MED12L: variants seen among roughly 807,000 people sequenced by gnomAD.
MED12L encodes mediator of RNA polymerase II transcription subunit 12-like protein.
In MED12L, 60 loss-of-function variants were observed where a neutral mutation model predicts 281.3. The observed-to-expected ratio is 0.21, with a 90% CI of 0.17 to 0.26. MED12L has a LOEUF of 0.26. Among genes scored for constraint, MED12L ranks in the 10% least tolerant of loss-of-function variants. MED12L has a pLI of 1.00. For missense variants in MED12L, 2,146 were observed against 2,680.9 expected, an observed-to-expected ratio of 0.80 and a Z score of 4.41; for synonymous variants, 974 against 987.2, an observed-to-expected ratio of 0.99 and a Z score of 0.25.
intron 26 of MED12L, among the ~76,000 whole-genome samples, chr3:151,371,055 G>A (rs1474961523): frequency 1.3e-5 from 2 of 152,230 alleles, no homozygotes; most frequent in African/African-American, 4.8e-5. Flanking sequence ...GCCTGGCACA[G>A]ACTCTCATAC....
Position 151,436,571 on chromosome 3 carries a change from T to C in MED12L, c.*3767T>C. The stretch of plus-strand genomic sequence containing the variant: ...CAAGTCCTTTTATTTTGCATGTTCA[T>C]TGTAAATTTAATACTGTAAATGTAT... On this transcript the variant is annotated 3_prime_UTR_variant, in exon 45 of 45. Transcript: ENST00000687756. 1.5e-6 allele frequency: 1 copy of C among 670,796 alleles called. No homozygotes were observed. The highest frequency in any genetic ancestry group is 2.5e-6 in the Non-Finnish European group (1 of 398,378). The allele number at this position is 670,796 out of a possible 1,614,324, so 41.6% of individuals were successfully genotyped here.
chr3:151,342,310 CTTCTG>C (rs370809942), intron 16 of MED12L, among the ~76,000 whole-genome samples: 20 of 152,330 alleles, frequency 1.3e-4, no homozygotes, highest in African/African-American at 4.8e-4. Context: ...CTGCAGTGTC[CTTCTG>C]TTATCAGTGG....
At chr3:151,424,113 A>G (rs1435390233) in intron 43 of MED12L, among the ~76,000 whole-genome samples, 1 of 152,158 alleles carries the variant, frequency 6.6e-6, no homozygotes, top group East Asian at 1.9e-4. Flanking sequence ...AGATAATATG[A>G]TTCTCCTTTT....
intron 2 of MED12L, among the ~76,000 whole-genome samples, chr3:151,089,420 C>CT (rs34199914): frequency 0.074 from 9,791 of 132,302 alleles, 356 homozygotes; most frequent in Middle Eastern, 0.1. Flanking sequence ...CTGGATTTAG[C>CT]TTTTTTTTTT....
intron 5 of MED12L, among the ~76,000 whole-genome samples, chr3:151,142,878 A>G (rs192602232): frequency 5.9e-5 from 9 of 152,112 alleles, no homozygotes; most frequent in Admixed American, 4.6e-4. Flanking sequence ...CCAAATGTGT[A>G]TAAACTTCCA....
In MED12L at chr3:151,435,739, G is replaced by T. The variant is rs905942870; in HGVS notation, c.*2935G>T. On this transcript the variant is annotated 3_prime_UTR_variant, in exon 45 of 45. Coordinates refer to ENST00000687756, the MANE Select transcript of MED12L (RefSeq NM_001393769.1). ...AATATTCCCCAAATTAATTCAGGTT[G>T]AATTAAGCATGTAATATAAATTCAG... The T allele has an allele frequency of 6.6e-6, 1 of 152,058 alleles. No homozygotes were observed. The highest frequency in any genetic ancestry group is 1.5e-5 in the Non-Finnish European group (1 of 67,996). 9.4% of individuals were successfully genotyped at this position (152,058 alleles called of 1,614,324 possible).
At position 151,435,150 on chromosome 3, in the gene MED12L, T is replaced by C. The variant is rs376615933; in HGVS notation, c.*2346T>C. The C allele has an allele frequency of 2.0e-5, 3 of 149,884 alleles. No homozygotes were observed. Among genetic ancestry groups the C allele is most frequent in the African/African-American group, 7.5e-5 (3 of 39,936 alleles). The allele number at this position is 149,884 out of a possible 1,614,324, so 9.3% of individuals were successfully genotyped here. On this transcript the variant is annotated 3_prime_UTR_variant, in exon 45 of 45. Coordinates refer to ENST00000687756, the MANE Select transcript of MED12L (RefSeq NM_001393769.1). ...GGTAAAGCCCTGTGGCAGAACCTGG[T>C]ACTTTACCTTACCAGAGGAAATTAC...
chr3:151,415,414 C>T (rs1717428439), intron 42 of MED12L, among the ~76,000 whole-genome samples: 1 of 152,216 alleles, frequency 6.6e-6, no homozygotes, highest in African/African-American at 2.4e-5. Flanking sequence ...TGATTTGGGT[C>T]CAACTTGCGT....
chr3:151,355,321 A>G (rs889495179), intron 18 of MED12L, 82 bp downstream of exon 18: 15 of 853,694 alleles, frequency 1.8e-5, no homozygotes, highest in African/African-American at 5.1e-5. Context: ...TATTTTCTCA[A>G]CCTTAATGGT....
chr3:151,417,590 A>G (rs1717764964), intron 43 of MED12L, among the ~76,000 whole-genome samples: 1 of 148,290 alleles, frequency 6.7e-6, no homozygotes, highest in Admixed American at 6.9e-5. Flanking sequence ...GGTTCAAGCA[A>G]TTCTCCTGCC....
chr3:151,385,947 A>G (rs1015112998), intron 36 of MED12L, among the ~76,000 whole-genome samples: 2 of 152,122 alleles, frequency 1.3e-5, no homozygotes, highest in Admixed American at 6.6e-5. Context: ...CAGAGTTCCT[A>G]CCCTCAAGGG....
intron 16 of MED12L, among the ~76,000 whole-genome samples, chr3:151,343,748 G>A (rs1306527592): frequency 3.6e-5 from 2 of 56,116 alleles, no homozygotes; most frequent in African/African-American, 8.5e-5. Flanking sequence ...ACTTTTAAGT[G>A]GCTTAACTGG....
chr3:151,157,524 T>A (rs983975988), intron 6 of MED12L, among the ~76,000 whole-genome samples: 3 of 152,196 alleles, frequency 2.0e-5, no homozygotes, highest in Middle Eastern at 3.4e-3. Flanking sequence ...GTCTCTTTTT[T>A]AAAAAAATTT....
chr3:151,163,797 T>C (rs1287607788), intron 8 of MED12L, 96 bp from the exon 9 acceptor site: 2 of 1,258,344 alleles, frequency 1.6e-6, no homozygotes, highest in Non-Finnish European at 2.2e-6. Flanking sequence ...TAGGAGACAA[T>C]AATACAGTGA....
In MED12L at chr3:151,435,706, A is replaced by AATC. The variant is rs1720084903; in HGVS notation, c.*2905_*2907dup. ...CCCACCCCTAGATTTAGATAAGATC[A>AATC]ATCATTTAATATTCCCCAAATTAAT... On this transcript the variant is annotated 3_prime_UTR_variant, in exon 45 of 45. Transcript: ENST00000687756. The AATC allele has an allele frequency of 1.3e-5, 2 of 152,218 alleles. No homozygotes were observed. The highest frequency in any genetic ancestry group is 6.5e-5 in the Admixed American group (1 of 15,278). 9.4% of individuals were successfully genotyped at this position (152,218 alleles called of 1,614,324 possible).
In MED12L at chr3:151,409,022, G is replaced by A. The variant is rs1425552538; in HGVS notation, c.5821-221G>A. ...AACTTAGGCTTGTATTTATGGCTTT[G>A]TTATCATTGGGAAAATCTGTAGTCT... On this transcript the variant is annotated intron_variant, in intron 39 of 44. Coordinates refer to ENST00000687756, the MANE Select transcript of MED12L (RefSeq NM_001393769.1). Among the ~76,000 whole-genome samples, 13 of 152,296 alleles carry A rather than the reference G, an allele frequency of 8.5e-5. No homozygotes were observed. The East Asian group carries it at 2.1e-3, about 25-fold the overall frequency.
At chr3:151,273,560 A>G (rs545298628) in intron 16 of MED12L, among the ~76,000 whole-genome samples, 6 of 151,920 alleles carry the variant, frequency 3.9e-5, no homozygotes, top group African/African-American at 1.5e-4. Flanking sequence ...TCTTATGCCA[A>G]TTACTGTTCT....
intron 16 of MED12L, among the ~76,000 whole-genome samples, chr3:151,296,410 C>T (rs570868634): frequency 1.3e-4 from 20 of 152,290 alleles, no homozygotes; most frequent in African/African-American, 9.6e-5. Flanking sequence ...GCTGCTGCCA[C>T]GCTTCCCGCG....
In MED12L at chr3:151,376,821, A is replaced by G; in HGVS notation, c.4075A>G (p.Arg1359Gly). 1 of 1,613,982 alleles carries G rather than the reference A, an allele frequency of 6.2e-7. No homozygotes were observed. The highest frequency in any genetic ancestry group is 8.5e-7 in the Non-Finnish European group (1 of 1,179,870). Reference sequence around the variant, plus strand: ...CCAGAATCTTGAGCAGTGGACACTGAGGCAATCCTGGTTAGAACTCCAGCT... The same window carrying G: ...CCAGAATCTTGAGCAGTGGACACTGGGGCAATCCTGGTTAGAACTCCAGCT... ...ILQNLEQWTL[R>G]QSWLELQLMI... Residue 1359 changes from arginine to glycine, a missense_variant, in exon 29 of 45, where the codon AGG becomes GGG. By Grantham distance (125) the Arg-to-Gly change is moderately radical. Coordinates refer to ENST00000687756, the MANE Select transcript of MED12L (RefSeq NM_001393769.1).
Sources: gnomAD v4.1 joint callset for allele counts (sites outside exome capture counted in the v4.1 genomes callset) on GRCh38, gnomAD v4.1.1 for gene constraint, MANE v1.5 for transcripts, NCBI Gene and HGNC (gene_info 2026-07-23, HGNC 2026-07-21) for gene names.